The following PATJ variants were observed in gnomAD, a reference collection of about 807,000 sequenced individuals.
PATJ encodes inaD-like protein.
PATJ carries 190 observed loss-of-function variants against 224.9 expected under a neutral mutation model. The observed-to-expected ratio is 0.84, with a 90% CI of 0.75 to 0.95. PATJ has a LOEUF of 0.95. Ranked by LOEUF, PATJ falls within the 40% of genes least tolerant of loss-of-function variation. PATJ has a pLI of 0.00. For synonymous variants in PATJ, 769 were observed against 820.3 expected (o/e 0.94, Z 1.07); for missense variants, 2,121 against 2,270.3 (o/e 0.93, Z 1.34).
intron 1 of PATJ, among the ~76,000 whole-genome samples, chr1:61,747,422 C>CAA (rs1645080072): frequency 6.6e-6 from 1 of 152,154 alleles, no homozygotes; most frequent in African/African-American, 2.4e-5. Context: ...TAACGCTTGA[C>CAA]AAGTCATTTA....
chr1:61,951,463 A>G (rs1446247779), intron 27 of PATJ, among the ~76,000 whole-genome samples: 1 of 152,074 alleles, frequency 6.6e-6, no homozygotes, highest in Non-Finnish European at 1.5e-5. Context: ...TGCATTTTAC[A>G]AAGAAAGATT....
intron 24 of PATJ, among the ~76,000 whole-genome samples, chr1:61,904,653 A>C (rs1156574194): frequency 2.0e-5 from 3 of 152,238 alleles, no homozygotes; most frequent in Non-Finnish European, 4.4e-5. Flanking sequence ...AAAGAGGTTT[A>C]ATTGACTCAC....
chr1:62,091,350 CCTTT>C (rs1660706992), intron 33 of PATJ, among the ~76,000 whole-genome samples: 1 of 152,164 alleles, frequency 6.6e-6, no homozygotes, highest in African/African-American at 2.4e-5. Context: ...CAAATGACAG[CCTTT>C]CTAAGTTAAA....
chr1:61,816,736 T>C (rs1656185115), intron 14 of PATJ, among the ~76,000 whole-genome samples: 1 of 152,228 alleles, frequency 6.6e-6, no homozygotes, highest in Admixed American at 6.5e-5. Context: ...AATGCTGTTA[T>C]CAGTTCTCCA....
chr1:61,951,210 G>A (rs1210686345), intron 27 of PATJ, among the ~76,000 whole-genome samples: 1 of 151,438 alleles, frequency 6.6e-6, no homozygotes, highest in Non-Finnish European at 1.5e-5. Flanking sequence ...AAGTTATTTA[G>A]TAGAATTTGT....
At chr1:61,801,936 C>CT (rs56969805) in intron 12 of PATJ, among the ~76,000 whole-genome samples, 167 bp downstream of exon 12, 82 of 130,842 alleles carry the variant, frequency 6.3e-4, no homozygotes, top group African/African-American at 1.5e-3. Context: ...TTTTTTTTTT[C>CT]TTTTTTTTTT....
At chr1:61,916,806 G>A (rs182913436) in intron 26 of PATJ, among the ~76,000 whole-genome samples, 1 of 152,270 alleles carries the variant, frequency 6.6e-6, no homozygotes, top group Admixed American at 6.5e-5. Context: ...AGATAGTTTT[G>A]GGGGTAGGGA....
At chr1:62,029,721 G>T (rs1364797821) in intron 29 of PATJ, among the ~76,000 whole-genome samples, 1 of 152,170 alleles carries the variant, frequency 6.6e-6, no homozygotes, top group South Asian at 2.1e-4. Flanking sequence ...GGAGAAGTGG[G>T]TACAGCGAGA....
chr1:61,984,161 A>ATTT (rs760341540), intron 27 of PATJ, among the ~76,000 whole-genome samples: 3,105 of 129,464 alleles, frequency 0.024, 44 homozygotes, highest in South Asian at 0.042. Flanking sequence ...TATTATTATT[A>ATTT]TTATTTTTTT....
chr1:62,000,020 C>A (rs1645649775), intron 28 of PATJ, among the ~76,000 whole-genome samples: 1 of 151,866 alleles, frequency 6.6e-6, no homozygotes, highest in Admixed American at 6.6e-5. Flanking sequence ...TCCTGAGTAG[C>A]TGGGATTACA....
rs114985857 is a variant in PATJ, at chr1:61,822,345, C to T, written c.1684-600C>T. Among the ~76,000 whole-genome samples the T allele has an allele frequency of 5.4e-3, 804 of 149,440 alleles. 1 individual carries two copies. The highest frequency in any genetic ancestry group is 0.011 in the South Asian group (51 of 4,732). ...CCTGAGGCATGAGAATTGCTTGAAC[C>T]CGGGAGGTGAAGGTTACAGTGAGCT... On this transcript the variant is annotated intron_variant, in intron 14 of 43. Transcript: ENST00000642238.
chr1:61,900,563 G>A (rs991317186), intron 23 of PATJ, among the ~76,000 whole-genome samples: 14 of 147,442 alleles, frequency 9.5e-5, no homozygotes, highest in African/African-American at 2.5e-4. Context: ...ACTTTTTGCC[G>A]AAATGACATA....
chr1:61,825,806 G>A (rs1380779508), intron 15 of PATJ, among the ~76,000 whole-genome samples: 1 of 152,186 alleles, frequency 6.6e-6, no homozygotes. Context: ...TTTCTAATTT[G>A]TTGAAGTGAA....
intron 43 of PATJ, among the ~76,000 whole-genome samples, chr1:62,156,010 A>T (rs1336323133): frequency 2.3e-5 from 3 of 128,134 alleles, no homozygotes; most frequent in African/African-American, 8.7e-5. Flanking sequence ...GTGAGCCGAG[A>T]TTGCGCCACT....
chr1:62,079,529 C>T lies in PATJ; in HGVS notation c.4205C>T (p.Ser1402Leu). 6.2e-7 allele frequency: 1 copy of T among 1,612,542 alleles called. No homozygotes were observed. Among genetic ancestry groups the T allele is most frequent in the Non-Finnish European group, 8.5e-7 (1 of 1,178,566 alleles). Residue 1402 changes from serine to leucine, a missense_variant, in exon 32 of 44, where the codon TCA becomes TTA. Transcript: ENST00000642238. ...SSQEIPLAPA[S>L]SYHSTDADFT... is the part of the protein sequence containing the mutation. ...CAAGAGATACCATTAGCACCAGCTT[C>T]ATCATACCATTCAACAGATGCAGAC...
chr1:61,912,179 A>T (rs1050466812), intron 25 of PATJ, among the ~76,000 whole-genome samples: 5 of 152,102 alleles, frequency 3.3e-5, no homozygotes, highest in African/African-American at 1.2e-4. Flanking sequence ...ACCTATAAAT[A>T]TATTTTTACT....
chr1:61,775,433 T>A, intron 7 of PATJ, 99 bp downstream of exon 7: 1 of 1,011,674 alleles, frequency 9.9e-7, no homozygotes. Context: ...ATATATGACT[T>A]AATAACAAGA....
intron 22 of PATJ, 97 bp downstream of exon 22, chr1:61,884,505 T>C: frequency 1.2e-6 from 1 of 816,868 alleles, no homozygotes; most frequent in Non-Finnish European, 1.8e-6. Context: ...GGTAGAACGT[T>C]TGGAAAATAC....
At chr1:61,984,231 G>A (rs1031753377) in intron 27 of PATJ, among the ~76,000 whole-genome samples, 1 of 149,598 alleles carries the variant, frequency 6.7e-6, no homozygotes, top group African/African-American at 2.5e-5. Flanking sequence ...TGCCATCTCT[G>A]CTCACTGCAA....
Sources: gnomAD v4.1 joint callset for allele counts (sites outside exome capture counted in the v4.1 genomes callset) on GRCh38, gnomAD v4.1.1 for gene constraint, MANE v1.5 for transcripts, NCBI Gene and HGNC (gene_info 2026-07-23, HGNC 2026-07-21) for gene names.